ATP10B: variants seen among roughly 807,000 people sequenced by gnomAD.
ATP10B encodes the protein ATPase phospholipid transporting 10B (putative).
ATP10B carries 122 observed loss-of-function variants against 141.2 expected under a neutral mutation model. The ratio of observed to expected loss-of-function variants is 0.86; its 90% CI spans 0.75 to 1.00. ATP10B has a LOEUF of 1.00. Ranked by LOEUF, ATP10B falls within the 50% of genes least tolerant of loss-of-function variation. The pLI, the probability that ATP10B is intolerant of heterozygous loss-of-function variation, is 0.00. For synonymous variants in ATP10B, 685 were observed against 692.0 expected (o/e 0.99, Z 0.16); for missense variants, 1,876 against 1,825.3 (o/e 1.03, Z -0.51).
chr5:160,715,989 A>C (rs7737375), intron 3 of ATP10B, among the ~76,000 whole-genome samples: 9 of 152,128 alleles, frequency 5.9e-5, no homozygotes, highest in Admixed American at 5.2e-4. Flanking sequence ...GATTACAGGC[A>C]TGAGCCACCA....
chr5:160,886,807 C>T, the ATP10B span, among the ~76,000 whole-genome samples: 1 of 152,060 alleles, frequency 6.6e-6, no homozygotes, highest in Non-Finnish European at 1.5e-5. Flanking sequence ...AAGAACGAAC[C>T]ATATAAGATA....
At chr5:160,865,019 A>G in the ATP10B span, among the ~76,000 whole-genome samples, 38 of 152,080 alleles carry the variant, frequency 2.5e-4, no homozygotes, top group Non-Finnish European at 5.3e-4. Flanking sequence ...TACACATTCA[A>G]TGCAATTCCC....
At chr5:160,573,839 T>TA (rs1269474669) in intron 24 of ATP10B, among the ~76,000 whole-genome samples, 1 of 152,234 alleles carries the variant, frequency 6.6e-6, no homozygotes. Flanking sequence ...TTTTAACTAT[T>TA]ACATGGTATG....
At chr5:160,734,106 C>CAA (rs34655958) in intron 2 of ATP10B, among the ~76,000 whole-genome samples, 78 of 67,886 alleles carry the variant, frequency 1.1e-3, no homozygotes, top group African/African-American at 3.8e-3. Flanking sequence ...GACTCCATCT[C>CAA]AAAAAAAAAA....
intron 1 of ATP10B, among the ~76,000 whole-genome samples, chr5:160,833,953 G>T (rs1001804329): frequency 2.0e-5 from 3 of 152,050 alleles, no homozygotes; most frequent in Non-Finnish European, 2.9e-5. Flanking sequence ...ATGCCCTGTG[G>T]TTTCCTGGCA....
intron 2 of ATP10B, among the ~76,000 whole-genome samples, chr5:160,737,277 A>G (rs1236725472): frequency 6.6e-6 from 1 of 152,244 alleles, no homozygotes; most frequent in Non-Finnish European, 1.5e-5. Context: ...GCCATATATG[A>G]CAGACCCTCA....
chr5:160,575,904 C>G (rs757144297), intron 24 of ATP10B, among the ~76,000 whole-genome samples: 3 of 152,190 alleles, frequency 2.0e-5, no homozygotes, highest in Non-Finnish European at 4.4e-5. Flanking sequence ...CCCATGGAAT[C>G]TGCACCTCTC....
At chr5:160,709,715 T>C (rs1345721625) in intron 3 of ATP10B, among the ~76,000 whole-genome samples, 128 of 117,536 alleles carry the variant, frequency 1.1e-3, no homozygotes, top group African/African-American at 3.0e-3. Context: ...CCCACTAACG[T>C]GTCATCTAGC....
At chr5:160,828,330 C>T (rs1774792341) in intron 1 of ATP10B, among the ~76,000 whole-genome samples, 1 of 152,268 alleles carries the variant, frequency 6.6e-6, no homozygotes, top group South Asian at 2.1e-4. Context: ...GGGCTAATAT[C>T]CAGAATCTAC....
chr5:160,876,762 C>A, the ATP10B span, among the ~76,000 whole-genome samples: 1 of 151,056 alleles, frequency 6.6e-6, no homozygotes, highest in Non-Finnish European at 1.5e-5. Context: ...AACACCTCTA[C>A]GCAAATAAAC....
At chr5:160,889,738 C>T in the ATP10B span, among the ~76,000 whole-genome samples, 2,321 of 152,202 alleles carry the variant, frequency 0.015, 58 homozygotes, top group African/African-American at 0.053. Context: ...GGGAGTGTCT[C>T]CTATTCTTTT....
chr5:160,920,180 C>G, the ATP10B span, among the ~76,000 whole-genome samples: 1 of 152,212 alleles, frequency 6.6e-6, no homozygotes, highest in Non-Finnish European at 1.5e-5. Flanking sequence ...GATCGAGCAT[C>G]TCTGACACCA....
intron 22 of ATP10B, among the ~76,000 whole-genome samples, chr5:160,591,841 T>A (rs546651212): frequency 6.6e-6 from 1 of 152,242 alleles, no homozygotes; most frequent in Non-Finnish European, 1.5e-5. Flanking sequence ...ACTCTCACCA[T>A]GCCCCCTTCG....
chr5:160,765,418 T>C (rs756844166), intron 2 of ATP10B, among the ~76,000 whole-genome samples: 1 of 152,014 alleles, frequency 6.6e-6, no homozygotes, highest in African/African-American at 2.4e-5. Flanking sequence ...CAAATACTTA[T>C]AGCCAATGGA....
intron 1 of ATP10B, among the ~76,000 whole-genome samples, chr5:160,832,519 AAATG>A (rs1472091640): frequency 1.3e-5 from 2 of 152,106 alleles, no homozygotes; most frequent in Admixed American, 6.6e-5. Flanking sequence ...ACACTGAAAC[AAATG>A]AATGAATAAG....
At chr5:160,818,845 G>C (rs1422594033) in intron 1 of ATP10B, among the ~76,000 whole-genome samples, 1 of 152,024 alleles carries the variant, frequency 6.6e-6, no homozygotes, top group Non-Finnish European at 1.5e-5. Context: ...TCATGTCCTT[G>C]GTAGGGACAT....
chr5:160,786,253 G>A (rs78956026), intron 1 of ATP10B, among the ~76,000 whole-genome samples: 4,898 of 152,190 alleles, frequency 0.032, 257 homozygotes, highest in East Asian at 0.25. Flanking sequence ...AGAGCTGCTG[G>A]AAGCCAACAT....
the ATP10B span, among the ~76,000 whole-genome samples, chr5:160,891,099 TTC>T: frequency 6.6e-6 from 1 of 152,136 alleles, no homozygotes; most frequent in Non-Finnish European, 1.5e-5. Flanking sequence ...TGTACTGTAG[TTC>T]TCTGTTTAAC....
intron 6 of ATP10B, chr5:160,684,782 G>A (rs1561750255): frequency 1.6e-6 from 1 of 627,056 alleles, no homozygotes; most frequent in Non-Finnish European, 2.8e-6. Context: ...AGTGATAGCA[G>A]CCACAAAAAG....
Sources: allele counts gnomAD v4.1 joint callset (sites outside exome capture counted in the v4.1 genomes callset), GRCh38; gene constraint gnomAD v4.1.1; transcripts MANE v1.5; gene names NCBI Gene and HGNC (gene_info 2026-07-23, HGNC 2026-07-21).